Variants in NTM observed in about 807,000 individuals in gnomAD.
NTM encodes the protein neurotrimin, also known as IgLON family member 2.
In NTM, 13 loss-of-function variants were observed where a neutral mutation model predicts 42.1. The observed-to-expected ratio is 0.31, with a 90% CI of 0.20 to 0.49. The LOEUF (loss-of-function observed/expected upper bound fraction) is 0.49. Ranked by LOEUF, NTM falls within the 20% of genes least tolerant of loss-of-function variation. The pLI is 0.99. For missense variants in NTM, 373 were observed against 452.8 expected, an observed-to-expected ratio of 0.82 and a Z score of 1.60; for synonymous variants, 187 against 179.2, an observed-to-expected ratio of 1.04 and a Z score of -0.35.
chr11:132,067,752 A>T (rs1793635), intron 2 of NTM, among the ~76,000 whole-genome samples: 59,582 of 152,066 alleles, frequency 0.39, 12,023 homozygotes, highest in South Asian at 0.52. Flanking sequence ...TGGCCTTGCA[A>T]TTCTGGGCTC....
chr11:131,587,946 G>A (rs532276080), intron 1 of NTM, among the ~76,000 whole-genome samples: 5 of 152,308 alleles, frequency 3.3e-5, no homozygotes, highest in African/African-American at 1.2e-4. Context: ...ACCCATAGCT[G>A]AGCATCAAGT....
chr11:131,661,766 T>C (rs951501069), intron 1 of NTM, among the ~76,000 whole-genome samples: 1 of 152,204 alleles, frequency 6.6e-6, no homozygotes, highest in Non-Finnish European at 1.5e-5. Context: ...TGCTCTTTTT[T>C]TTCCCCCTGT....
chr11:132,226,444 A>G (rs1437344830), intron 4 of NTM, among the ~76,000 whole-genome samples: 1 of 151,982 alleles, frequency 6.6e-6, no homozygotes, highest in African/African-American at 2.4e-5. Context: ...TTTGATTTGC[A>G]TTTCTGTAAT....
intron 2 of NTM, among the ~76,000 whole-genome samples, chr11:131,931,725 A>G (rs2058649899): frequency 6.6e-6 from 1 of 152,172 alleles, no homozygotes; most frequent in Non-Finnish European, 1.5e-5. Context: ...CTGCTGGTCT[A>G]GAAGGCCACC....
chr11:131,817,426 G>A (rs1271754344), intron 1 of NTM, among the ~76,000 whole-genome samples: 1 of 151,872 alleles, frequency 6.6e-6, no homozygotes, highest in African/African-American at 2.4e-5. Context: ...TTTTTTTTAA[G>A]CAAACACTTG....
chr11:131,697,865 A>G (rs1275180905), intron 1 of NTM, among the ~76,000 whole-genome samples: 1 of 152,154 alleles, frequency 6.6e-6, no homozygotes, highest in Non-Finnish European at 1.5e-5. Flanking sequence ...AATTTGGACT[A>G]TGAGAACAAC....
intron 2 of NTM, among the ~76,000 whole-genome samples, chr11:132,132,928 G>C (rs942642335): frequency 2.6e-5 from 4 of 152,170 alleles, no homozygotes; most frequent in Non-Finnish European, 5.9e-5. Flanking sequence ...TAAAATCTGA[G>C]TAACACCCAG....
At chr11:131,756,288 T>C (rs1181156506) in intron 1 of NTM, among the ~76,000 whole-genome samples, 1 of 152,164 alleles carries the variant, frequency 6.6e-6, no homozygotes, top group African/African-American at 2.4e-5. Flanking sequence ...GGATCTCCTC[T>C]TGTTAAAGAA....
chr11:131,680,285 A>G (rs765960301), intron 1 of NTM, among the ~76,000 whole-genome samples: 74 of 151,578 alleles, frequency 4.9e-4, no homozygotes, highest in Non-Finnish European at 9.1e-4. Context: ...TTAGAGAAAC[A>G]TGGGAATACC....
intron 1 of NTM, among the ~76,000 whole-genome samples, chr11:131,436,866 T>C (rs958966358): frequency 9.9e-5 from 15 of 152,200 alleles, no homozygotes; most frequent in South Asian, 4.1e-4. Context: ...GTTCTTTTAA[T>C]TGTGATGTTA....
chr11:131,401,775 C>T (rs1432544201), intron 1 of NTM, among the ~76,000 whole-genome samples: 1 of 107,606 alleles, frequency 9.3e-6, no homozygotes, highest in South Asian at 3.4e-4. Context: ...TTATCCTCAT[C>T]ATTATGTGAG....
At chr11:131,758,675 C>T (rs532206059) in intron 1 of NTM, among the ~76,000 whole-genome samples, 4 of 152,086 alleles carry the variant, frequency 2.6e-5, no homozygotes, top group Admixed American at 1.3e-4. Flanking sequence ...TCACTGCAAC[C>T]TCAGCCTCCC....
chr11:132,136,731 C>G (rs1287017380), intron 2 of NTM, among the ~76,000 whole-genome samples: 1 of 151,680 alleles, frequency 6.6e-6, no homozygotes, highest in Non-Finnish European at 1.5e-5. Flanking sequence ...ATTTTTTTTT[C>G]CTCTTCAAGT....
intron 1 of NTM, among the ~76,000 whole-genome samples, chr11:131,752,364 A>G (rs112115055): frequency 1.3e-5 from 2 of 152,160 alleles, no homozygotes; most frequent in Non-Finnish European, 1.5e-5. Context: ...AGTTAGAATG[A>G]CGATCATTAA....
intron 1 of NTM, among the ~76,000 whole-genome samples, chr11:131,545,490 A>G (rs555537880): frequency 3.9e-5 from 6 of 152,022 alleles, no homozygotes; most frequent in Non-Finnish European, 7.4e-5. Context: ...GGATTTATTC[A>G]TCCATACATC....
intron 1 of NTM, among the ~76,000 whole-genome samples, chr11:131,895,121 T>C (rs2052048210): frequency 6.6e-6 from 1 of 152,238 alleles, no homozygotes; most frequent in Non-Finnish European, 1.5e-5. Flanking sequence ...ATTCGGTGAT[T>C]AGGTTTTAAG....
intron 1 of NTM, among the ~76,000 whole-genome samples, chr11:131,687,114 G>A (rs1335020864): frequency 6.6e-6 from 1 of 152,186 alleles, no homozygotes; most frequent in African/African-American, 2.4e-5. Flanking sequence ...GCAGGTCAGG[G>A]CTCAGTCCCA....
intron 2 of NTM, among the ~76,000 whole-genome samples, chr11:132,141,675 A>C (rs1308278577): frequency 2.0e-5 from 3 of 152,236 alleles, no homozygotes; most frequent in African/African-American, 4.8e-5. Flanking sequence ...GTATAGGCCT[A>C]TTCTCTAAAA....
chr11:131,842,210 A>T (rs1374819816), intron 1 of NTM, among the ~76,000 whole-genome samples: 1 of 152,174 alleles, frequency 6.6e-6, no homozygotes, highest in Non-Finnish European at 1.5e-5. Flanking sequence ...GATCTTGCAA[A>T]CCATTTTAAT....
Sources: gnomAD v4.1 joint callset for allele counts (sites outside exome capture counted in the v4.1 genomes callset) on GRCh38, gnomAD v4.1.1 for gene constraint, MANE v1.5 for transcripts, NCBI Gene and HGNC (gene_info 2026-07-23, HGNC 2026-07-21) for gene names.